NDE1: variants seen among roughly 807,000 people sequenced by gnomAD.
The protein encoded by NDE1 is nudE neurodevelopment protein 1.
NDE1 carries 28 observed loss-of-function variants against 43.4 expected under a neutral mutation model. The ratio of observed to expected loss-of-function variants is 0.65; its 90% CI spans 0.48 to 0.89. NDE1 has a LOEUF of 0.89. NDE1 is among the 40% of genes least tolerant of loss of function. The pLI is 0.00. For synonymous variants in NDE1, 184 were observed against 172.0 expected (o/e 1.07, Z -0.55); for missense variants, 441 against 434.1 (o/e 1.02, Z -0.14).
intron 7 of NDE1, chr16:15,695,782 C>G (rs2038981660): frequency 2.3e-6 from 2 of 876,490 alleles, no homozygotes; most frequent in Non-Finnish European, 1.4e-6. Flanking sequence ...AGAAGCAGGT[C>G]TGCATTTCAG....
intron 5 of NDE1, among the ~76,000 whole-genome samples, chr16:15,688,314 C>A (rs2038544018): frequency 6.6e-6 from 1 of 152,014 alleles, no homozygotes; most frequent in South Asian, 2.1e-4. Flanking sequence ...TCAGTTGGCA[C>A]TTCCAGAGGT....
At chr16:15,673,396 G>T (rs2037701982) in intron 3 of NDE1, among the ~76,000 whole-genome samples, 2 of 151,954 alleles carry the variant, frequency 1.3e-5, no homozygotes, top group African/African-American at 4.8e-5. Flanking sequence ...TAGAGACGGG[G>T]GTTTCACCGT....
At chr16:15,643,387 A>G in exon 1 of NDE1, 1 of 494,252 alleles carries the variant, frequency 2.0e-6, no homozygotes, top group Non-Finnish European at 4.2e-6. Flanking sequence ...CCCCCAGTTT[A>G]AGGAGGCCTT....
chr16:15,714,662 C>G (rs955066780), intron 8 of NDE1: 2 of 593,304 alleles, frequency 3.4e-6, no homozygotes, highest in East Asian at 5.6e-5. Flanking sequence ...GCCGGAGGAC[C>G]GGATGGGAGA....
chr16:15,672,798 T>G (rs563780282), intron 3 of NDE1: 1 of 152,226 alleles, frequency 6.6e-6, no homozygotes, highest in Non-Finnish European at 1.5e-5. Flanking sequence ...CCTGTTTTAT[T>G]TGGAGATGTT....
intron 3 of NDE1, among the ~76,000 whole-genome samples, chr16:15,673,008 T>C (rs1375154881): frequency 6.6e-6 from 1 of 152,188 alleles, no homozygotes; most frequent in Non-Finnish European, 1.5e-5. Flanking sequence ...GGAGTCTTCT[T>C]GCACAATGGC....
chr16:15,717,074 T>C, intron 8 of NDE1: 1 of 1,549,022 alleles, frequency 6.5e-7, no homozygotes, highest in South Asian at 1.1e-5. Flanking sequence ...GTTCCCTGAC[T>C]TCACTATGAC....
intron 8 of NDE1, chr16:15,719,363 A>G (rs1474148665): frequency 6.3e-6 from 10 of 1,579,396 alleles, no homozygotes; most frequent in Middle Eastern, 1.7e-4. Context: ...AGCCCCACCA[A>G]GAGTCCACCC....
At chr16:15,686,937 T>A (rs1477295999) in intron 4 of NDE1, 1 of 975,946 alleles carries the variant, frequency 1.0e-6, no homozygotes, top group Non-Finnish European at 1.2e-6. Context: ...TCTCAGGTCT[T>A]CCACCTGCCT....
chr16:15,717,854 C>T lies in NDE1; in HGVS notation c.948-6337C>T, dbSNP rs144062167. 1,777 of 264,696 alleles carry T rather than the reference C, an allele frequency of 6.7e-3. 14 individuals carry two copies. Among genetic ancestry groups the T allele is most frequent in the Non-Finnish European group, 7.6e-3 (1,037 of 136,444 alleles). 16.4% of individuals were successfully genotyped at this position (264,696 alleles called of 1,614,324 possible). On this transcript the variant is annotated intron_variant, in intron 8 of 8. Transcript: ENST00000396354. The stretch of plus-strand genomic sequence containing the variant: ...ACCCAGGCTGAGCGAGTGACTTGTC[C>T]CTTGCTTTCTCTGTCCTGGAGTCGC...
intron 4 of NDE1, among the ~76,000 whole-genome samples, chr16:15,680,509 T>C (rs1243621505): frequency 6.6e-6 from 1 of 152,144 alleles, no homozygotes; most frequent in Non-Finnish European, 1.5e-5. Flanking sequence ...GGAAATTCCT[T>C]TCTTGTCAAT....
intron 5 of NDE1, among the ~76,000 whole-genome samples, chr16:15,690,353 CTTTTTTTTTTTTTT>C (rs869069843): frequency 1.2e-5 from 1 of 80,950 alleles, no homozygotes; most frequent in African/African-American, 5.1e-5. Flanking sequence ...TTTTTTTTTT[CTTTTTTTTTTTTTT>C]TTTTTTTTTT....
intron 4 of NDE1, among the ~76,000 whole-genome samples, chr16:15,678,174 G>A (rs2037985224): frequency 6.6e-6 from 1 of 152,146 alleles, no homozygotes; most frequent in African/African-American, 2.4e-5. Flanking sequence ...GTGGGGGTGT[G>A]TAATAGGATG....
At chr16:15,658,283 C>T (rs897940388) in intron 1 of NDE1, among the ~76,000 whole-genome samples, 2 of 152,248 alleles carry the variant, frequency 1.3e-5, no homozygotes, top group Admixed American at 1.3e-4. Context: ...GACCTGGGCC[C>T]TCACTGGCTT....
intron 1 of NDE1, among the ~76,000 whole-genome samples, chr16:15,657,750 C>T (rs1371711820): frequency 2.0e-5 from 3 of 151,980 alleles, no homozygotes; most frequent in South Asian, 4.2e-4. Flanking sequence ...CACGCACCGC[C>T]GTGCCCGTTT....
chr16:15,714,469 C>G, intron 8 of NDE1: 1 of 232,700 alleles, frequency 4.3e-6, no homozygotes. Context: ...CCCCCATACC[C>G]GAGAATAATG....
chr16:15,724,059 A>T (rs982918155), intron 8 of NDE1, 132 bp from the exon 9 acceptor site: 8 of 1,579,112 alleles, frequency 5.1e-6, no homozygotes. Context: ...CAGAGTGGAG[A>T]GGGGATGCAG....
At position 15,720,872 on chromosome 16, in the gene NDE1, C is replaced by G. The variant is rs1354578485; in HGVS notation, c.948-3319C>G. On this transcript the variant is annotated intron_variant, in intron 8 of 8. Coordinates refer to ENST00000396354, the MANE Select transcript of NDE1 (RefSeq NM_017668.3). ...GCAGTTGCCTCCTCTTCTCCTCATT[C>G]TGCTCGTCCCGGGCTTGGAGATCCC... 3 of 1,613,878 alleles carry G rather than the reference C, an allele frequency of 1.9e-6. No individual in the cohort carries two copies. The highest frequency in any genetic ancestry group is 4.5e-5 in the East Asian group (2 of 44,860).
At chr16:15,655,929 C>T (rs12381129) in intron 1 of NDE1, among the ~76,000 whole-genome samples, 2 of 138,246 alleles carry the variant, frequency 1.4e-5, no homozygotes, top group South Asian at 2.2e-4. Context: ...AATTGAACAA[C>T]GAGAACACAT....
Sources: gnomAD v4.1 joint callset for allele counts (sites outside exome capture counted in the v4.1 genomes callset) on GRCh38, gnomAD v4.1.1 for gene constraint, MANE v1.5 for transcripts, NCBI Gene and HGNC (gene_info 2026-07-23, HGNC 2026-07-21) for gene names.